ST6GALNAC3: variants seen among roughly 807,000 people sequenced by gnomAD.
The protein encoded by ST6GALNAC3 is alpha-N-acetylgalactosaminide alpha-2,6-sialyltransferase 3.
In ST6GALNAC3, 25 loss-of-function variants were observed where a neutral mutation model predicts 32.7. The observed-to-expected ratio is 0.76, with a 90% CI of 0.56 to 1.07. ST6GALNAC3 has a LOEUF of 1.07. Ranked by LOEUF, ST6GALNAC3 falls within the 50% of genes least tolerant of loss-of-function variation. ST6GALNAC3 has a pLI of 0.00. For missense variants in ST6GALNAC3, 355 were observed against 382.4 expected (o/e 0.93, Z 0.60); for synonymous variants, 129 against 133.1 (o/e 0.97, Z 0.21).
At chr1:76,553,168 G>C (rs1664735508) in intron 3 of ST6GALNAC3, among the ~76,000 whole-genome samples, 1 of 152,184 alleles carries the variant, frequency 6.6e-6, no homozygotes, top group South Asian at 2.1e-4. Flanking sequence ...CAATTACTTT[G>C]ATTTGATTTT....
At chr1:76,077,466 A>G (rs760806872) in intron 1 of ST6GALNAC3, among the ~76,000 whole-genome samples, 3 of 152,176 alleles carry the variant, frequency 2.0e-5, no homozygotes, top group African/African-American at 7.2e-5. Context: ...AGGGCTTCCT[A>G]TATAAGAAAT....
chr1:76,459,094 C>T (rs1658085953), intron 3 of ST6GALNAC3, among the ~76,000 whole-genome samples: 1 of 151,974 alleles, frequency 6.6e-6, no homozygotes, highest in South Asian at 2.1e-4. Flanking sequence ...TGGGAGATAT[C>T]CTTAGCAGTT....
At chr1:76,450,874 A>G (rs1187256857) in intron 3 of ST6GALNAC3, among the ~76,000 whole-genome samples, 1 of 152,064 alleles carries the variant, frequency 6.6e-6, no homozygotes, top group Non-Finnish European at 1.5e-5. Flanking sequence ...ATTTGGCTTT[A>G]TTTCTGGGTT....
intron 1 of ST6GALNAC3, among the ~76,000 whole-genome samples, chr1:76,179,707 G>A (rs1452659909): frequency 1.3e-5 from 2 of 152,152 alleles, no homozygotes; most frequent in African/African-American, 2.4e-5. Context: ...CCCAAGAAGC[G>A]ATCTTATCCT....
intron 1 of ST6GALNAC3, among the ~76,000 whole-genome samples, chr1:76,131,158 CTG>C (rs1649585178): frequency 1.3e-5 from 2 of 152,220 alleles, no homozygotes; most frequent in African/African-American, 2.4e-5. Context: ...CCGTAATACT[CTG>C]TTGATTTTAT....
chr1:76,271,271 G>T (rs1340574724), intron 1 of ST6GALNAC3, among the ~76,000 whole-genome samples: 3 of 152,186 alleles, frequency 2.0e-5, no homozygotes, highest in African/African-American at 7.2e-5. Context: ...GTGGTTTGCT[G>T]TAATGGAACA....
chr1:76,436,516 G>A (rs1448918634), intron 3 of ST6GALNAC3, among the ~76,000 whole-genome samples: 2 of 151,980 alleles, frequency 1.3e-5, no homozygotes, highest in African/African-American at 4.8e-5. Flanking sequence ...ACCTGTTTGT[G>A]GTGCATCAGC....
chr1:76,634,158 CT>C lies in ST6GALNAC3; in HGVS notation c.*5354del. 1 of 984,780 alleles carries C rather than the reference CT, an allele frequency of 1.0e-6. No homozygotes were observed. The highest frequency in any genetic ancestry group is 1.2e-6 in the Non-Finnish European group (1 of 829,720). 61.0% of individuals were successfully genotyped at this position (984,780 alleles called of 1,614,324 possible). On this transcript the variant is annotated 3_prime_UTR_variant, in exon 5 of 5. Transcript: ENST00000328299. ...TCTCTTTTTGTTCACGCCTTGAAGA[CT>C]TCAGAAAAATAGAAGCTCACTTCCT...
chr1:76,184,155 A>G (rs1653382067), intron 1 of ST6GALNAC3, among the ~76,000 whole-genome samples: 1 of 151,460 alleles, frequency 6.6e-6, no homozygotes, highest in South Asian at 2.1e-4. Context: ...ATGTGAACCA[A>G]AAACATCTCC....
intron 1 of ST6GALNAC3, among the ~76,000 whole-genome samples, chr1:76,183,116 T>C (rs2100468849): frequency 6.6e-6 from 1 of 152,280 alleles, no homozygotes; most frequent in Admixed American, 6.5e-5. Context: ...GGAATGACAA[T>C]GAAGTAGTAG....
rs72991827 is a variant in ST6GALNAC3 at position 76,566,178 on chromosome 1, T to C, written c.624-61274T>C. Among the ~76,000 whole-genome samples, 1,288 of 152,282 alleles carry C rather than the reference T, an allele frequency of 8.5e-3. 12 individuals carry two copies. Among genetic ancestry groups the C allele is most frequent in the African/African-American group, 0.029 (1,221 of 41,548 alleles). On this transcript the variant is annotated intron_variant, in intron 3 of 4. Transcript: ENST00000328299. The stretch of plus-strand genomic sequence containing the variant: ...AGCAAGTATTTCTCAGATTCTACCC[T>C]AAAATAGTGACAGTATGTCAGGTGT...
chr1:76,473,433 GTACAGCTTGAACTTAAAAAATATTTT>G (rs1659161482), intron 3 of ST6GALNAC3, among the ~76,000 whole-genome samples: 1 of 152,068 alleles, frequency 6.6e-6, no homozygotes, highest in Non-Finnish European at 1.5e-5. Context: ...GGTCTGCAGT[GTACAGCTTGAACTTAAAAAATATTTT>G]TACCACAAAT....
chr1:76,148,103 C>G (rs1448845945), intron 1 of ST6GALNAC3, among the ~76,000 whole-genome samples: 2 of 152,254 alleles, frequency 1.3e-5, no homozygotes, highest in Admixed American at 1.3e-4. Context: ...ATTAATAGAA[C>G]AAACCCAACA....
chr1:76,266,657 C>G (rs552754460), intron 1 of ST6GALNAC3, among the ~76,000 whole-genome samples: 13 of 152,314 alleles, frequency 8.5e-5, no homozygotes, highest in Non-Finnish European at 1.6e-4. Flanking sequence ...GGTGCTAACT[C>G]CAATTCTCAT....
chr1:76,531,791 A>G (rs1663273971), intron 3 of ST6GALNAC3, among the ~76,000 whole-genome samples: 2 of 152,164 alleles, frequency 1.3e-5, no homozygotes, highest in African/African-American at 4.8e-5. Flanking sequence ...GGGAGGTCAA[A>G]GGTCAAGGTA....
At chr1:76,113,453 T>A (rs1648233940) in intron 1 of ST6GALNAC3, among the ~76,000 whole-genome samples, 1 of 152,128 alleles carries the variant, frequency 6.6e-6, no homozygotes, top group Non-Finnish European at 1.5e-5. Context: ...TTTTTACAAA[T>A]TTGCAAGATT....
At position 76,497,589 on chromosome 1, in the gene ST6GALNAC3, A is replaced by G. The variant is rs377089050; in HGVS notation, c.623+85172A>G. Among the ~76,000 whole-genome samples, 145 of 152,318 alleles carry G rather than the reference A, an allele frequency of 9.5e-4. 1 individual carries two copies. The highest frequency in any genetic ancestry group is 3.4e-3 in the Middle Eastern group (1 of 294). On this transcript the variant is annotated intron_variant, in intron 3 of 4. Transcript: ENST00000328299. ...GGACATAGAAAGAAAACCAACATCT[A>G]TTGAGTTCGTGTTCTCCTCCCGTTA...
chr1:76,092,396 A>G (rs577891254), intron 1 of ST6GALNAC3, among the ~76,000 whole-genome samples: 4 of 152,372 alleles, frequency 2.6e-5, no homozygotes, highest in African/African-American at 9.6e-5. Flanking sequence ...ATGCCTTAGT[A>G]GCTATTCTGT....
intron 1 of ST6GALNAC3, among the ~76,000 whole-genome samples, chr1:76,151,001 A>G (rs1651004152): frequency 6.6e-6 from 1 of 152,214 alleles, no homozygotes; most frequent in Non-Finnish European, 1.5e-5. Context: ...GTTGGGCCCC[A>G]GATCATCAGC....
Sources: allele counts gnomAD v4.1 joint callset (sites outside exome capture counted in the v4.1 genomes callset), GRCh38; gene constraint gnomAD v4.1.1; transcripts MANE v1.5; gene names NCBI Gene and HGNC (gene_info 2026-07-23, HGNC 2026-07-21).